SLC9A9: variants seen among roughly 807,000 people sequenced by gnomAD.
SLC9A9 encodes the protein solute carrier family 9 member A9.
Under a neutral mutation model 77.8 loss-of-function variants are expected in SLC9A9, and 62 were observed. The ratio of observed to expected loss-of-function variants is 0.80; its 90% CI spans 0.65 to 0.98. SLC9A9 has a LOEUF of 0.98. Ranked by LOEUF, SLC9A9 falls within the 50% of genes least tolerant of loss-of-function variation. The probability of loss-of-function intolerance (pLI) is 0.00; values close to 1 mark genes in which losing one functional copy is unlikely to be tolerated. For synonymous variants in SLC9A9, 320 were observed against 283.5 expected (o/e 1.13, Z -1.29); for missense variants, 775 against 774.9 (o/e 1.00, Z 0.00).
At chr3:143,344,380 C>A (rs1465999998) in intron 14 of SLC9A9, 1 of 152,074 alleles carries the variant, frequency 6.6e-6, no homozygotes, top group Non-Finnish European at 1.5e-5. Flanking sequence ...GAGAATAGGG[C>A]AAAATATTCA....
intron 4 of SLC9A9, among the ~76,000 whole-genome samples, chr3:143,785,686 G>T (rs2008026424): frequency 6.6e-6 from 1 of 151,884 alleles, no homozygotes; most frequent in Non-Finnish European, 1.5e-5. Flanking sequence ...GAATGGAGTT[G>T]ATGTGTGTGA....
In SLC9A9 at chr3:143,423,427, C is replaced by G. The variant is rs1280081696; in HGVS notation, c.1470-41313G>C. On this transcript the variant is annotated intron_variant, in intron 12 of 15. Coordinates refer to ENST00000316549, the MANE Select transcript of SLC9A9 (RefSeq NM_173653.4). ...TCAACAAAATGGTTGATTCCAAGGT[C>G]TGGAGCAAGTAAGGTACAAGATGAG... is the stretch of plus-strand genomic sequence containing the variant. Among the ~76,000 whole-genome samples, 6 of 152,226 alleles carry G rather than the reference C, an allele frequency of 3.9e-5. 1 individual carries two copies. The East Asian group carries it at 1.2e-3, about 29-fold the overall frequency.
At chr3:143,664,866 AC>A (rs1396521700) in intron 5 of SLC9A9, among the ~76,000 whole-genome samples, 4 of 152,222 alleles carry the variant, frequency 2.6e-5, no homozygotes, top group Non-Finnish European at 5.9e-5. Flanking sequence ...AGAGACTTAG[AC>A]TCCCACACAA....
chr3:143,277,812 A>C (rs940711313), intron 14 of SLC9A9, among the ~76,000 whole-genome samples: 5 of 152,132 alleles, frequency 3.3e-5, no homozygotes, highest in Non-Finnish European at 7.3e-5. Context: ...CACTTCCCTG[A>C]CAATTTGTTG....
At chr3:143,296,987 C>G (rs2030299584) in intron 14 of SLC9A9, among the ~76,000 whole-genome samples, 1 of 152,176 alleles carries the variant, frequency 6.6e-6, no homozygotes, top group African/African-American at 2.4e-5. Flanking sequence ...TCTTTTCCCT[C>G]TGATTGTTTC....
At chr3:143,275,344 T>C (rs796990263) in intron 14 of SLC9A9, among the ~76,000 whole-genome samples, 10 of 152,322 alleles carry the variant, frequency 6.6e-5, no homozygotes, top group African/African-American at 2.2e-4. Flanking sequence ...TTAAAACTTA[T>C]CTAATGTCGG....
At chr3:143,677,714 A>T (rs1490630779) in intron 5 of SLC9A9, among the ~76,000 whole-genome samples, 2 of 152,028 alleles carry the variant, frequency 1.3e-5, no homozygotes, top group Non-Finnish European at 2.9e-5. Flanking sequence ...GGGTAAAATG[A>T]TATGCTGTTA....
intron 4 of SLC9A9, among the ~76,000 whole-genome samples, chr3:143,783,156 G>A (rs2007937126): frequency 6.6e-6 from 1 of 152,066 alleles, no homozygotes. Flanking sequence ...TACAGAGTAG[G>A]ATGCAGGCTA....
At chr3:143,584,752 T>C (rs1209432803) in intron 6 of SLC9A9, among the ~76,000 whole-genome samples, 1 of 152,238 alleles carries the variant, frequency 6.6e-6, no homozygotes, top group Non-Finnish European at 1.5e-5. Flanking sequence ...AGTAGTTCCA[T>C]TAATGATATC....
chr3:143,575,862 T>G (rs2037349376), intron 7 of SLC9A9, among the ~76,000 whole-genome samples: 1 of 152,080 alleles, frequency 6.6e-6, no homozygotes, highest in Non-Finnish European at 1.5e-5. Context: ...GTTAGGAAGG[T>G]GAGGAGGACA....
chr3:143,550,380 T>C (rs1026555336), intron 9 of SLC9A9, among the ~76,000 whole-genome samples: 11 of 152,206 alleles, frequency 7.2e-5, no homozygotes, highest in African/African-American at 1.9e-4. Context: ...TCATTGCCTA[T>C]GTCCACATTC....
At chr3:143,666,925 C>A (rs2108761552) in intron 5 of SLC9A9, among the ~76,000 whole-genome samples, 1 of 152,288 alleles carries the variant, frequency 6.6e-6, no homozygotes, top group South Asian at 2.1e-4. Flanking sequence ...TTTACAGATT[C>A]AATGCCATCC....
chr3:143,404,897 G>C (rs1021065678), intron 12 of SLC9A9, among the ~76,000 whole-genome samples: 10 of 152,174 alleles, frequency 6.6e-5, no homozygotes, highest in African/African-American at 2.4e-4. Context: ...GATGTCCCTG[G>C]ATCAGCGTAG....
At chr3:143,309,928 A>G (rs533469384) in intron 14 of SLC9A9, among the ~76,000 whole-genome samples, 1 of 152,298 alleles carries the variant, frequency 6.6e-6, no homozygotes, top group South Asian at 2.1e-4. Context: ...ACCCTCGTCT[A>G]TGTTGCTGTT....
At chr3:143,794,892 A>T (rs2008331873) in intron 4 of SLC9A9, 109 bp downstream of exon 4, 1 of 1,013,946 alleles carries the variant, frequency 9.9e-7, no homozygotes, top group Non-Finnish European at 1.5e-6. Context: ...GTGATATACT[A>T]AAAAAAAGAC....
intron 1 of SLC9A9, among the ~76,000 whole-genome samples, chr3:143,844,754 TTTCTTTCTTTC>T: frequency 6.7e-6 from 1 of 149,094 alleles, no homozygotes; most frequent in South Asian, 2.2e-4. Flanking sequence ...TCTTTCTTTC[TTTCTTTCTTTC>T]TTTCTTTCTT....
chr3:143,468,371 C>A (rs760260593), intron 11 of SLC9A9, among the ~76,000 whole-genome samples: 2 of 152,226 alleles, frequency 1.3e-5, no homozygotes, highest in African/African-American at 2.4e-5. Flanking sequence ...GGAACTCCAT[C>A]AAAAACCAGC....
chr3:143,442,726 A>G (rs1037425411), intron 12 of SLC9A9, among the ~76,000 whole-genome samples: 3 of 152,180 alleles, frequency 2.0e-5, no homozygotes, highest in Non-Finnish European at 2.9e-5. Flanking sequence ...CTCCATCTCA[A>G]TAAATAAATA....
chr3:143,283,284 G>A (rs1938279351), intron 14 of SLC9A9, among the ~76,000 whole-genome samples: 1 of 152,194 alleles, frequency 6.6e-6, no homozygotes, highest in African/African-American at 2.4e-5. Flanking sequence ...TTAGGGACAG[G>A]GGTGTAGGAG....
Sources: allele counts gnomAD v4.1 joint callset (sites outside exome capture counted in the v4.1 genomes callset), GRCh38; gene constraint gnomAD v4.1.1; transcripts MANE v1.5; gene names NCBI Gene and HGNC (gene_info 2026-07-23, HGNC 2026-07-21).